FOXP1: variants seen among roughly 807,000 people sequenced by gnomAD.
FOXP1 encodes the protein forkhead box P1.
FOXP1 carries 15 observed loss-of-function variants against 98.2 expected under a neutral mutation model. That is an observed-to-expected ratio of 0.15 (90% confidence interval 0.10 to 0.24). FOXP1 has a LOEUF of 0.24. Ranked by LOEUF, FOXP1 falls within the 10% of genes least tolerant of loss-of-function variation. The probability of loss-of-function intolerance (pLI) is 1.00; values close to 1 mark genes in which losing one functional copy is unlikely to be tolerated. For synonymous variants in FOXP1, 371 were observed against 314.5 expected (o/e 1.18, Z -1.90); for missense variants, 633 against 848.5 (o/e 0.75, Z 3.15).
intron 3 of FOXP1, among the ~76,000 whole-genome samples, chr3:71,386,447 T>C (rs1204867475): frequency 6.6e-6 from 1 of 152,162 alleles, no homozygotes; most frequent in African/African-American, 2.4e-5. Flanking sequence ...TAACTACGCA[T>C]AATAATAGAA....
At chr3:71,357,092 A>G (rs979583024) in intron 4 of FOXP1, among the ~76,000 whole-genome samples, 3 of 152,156 alleles carry the variant, frequency 2.0e-5, no homozygotes, top group African/African-American at 7.2e-5. Context: ...GAGTCTACAT[A>G]AGAACAGAGG....
At chr3:71,036,689 T>C (rs532226811) in intron 11 of FOXP1, among the ~76,000 whole-genome samples, 1 of 152,276 alleles carries the variant, frequency 6.6e-6, no homozygotes, top group South Asian at 2.1e-4. Context: ...AAATCCCCCA[T>C]GAGGTTCATT....
chr3:71,144,884 A>AT (rs1352952613), intron 6 of FOXP1, among the ~76,000 whole-genome samples: 3 of 152,208 alleles, frequency 2.0e-5, no homozygotes, highest in African/African-American at 7.2e-5. Flanking sequence ...TGGAGTCTCT[A>AT]TCACTGTTTT....
At chr3:71,503,685 T>C (rs1235679995) in intron 2 of FOXP1, among the ~76,000 whole-genome samples, 1 of 151,730 alleles carries the variant, frequency 6.6e-6, no homozygotes, top group Admixed American at 6.6e-5. Context: ...GATGTTATTA[T>C]TTCGTCAGGT....
chr3:71,240,689 G>A lies in FOXP1; in HGVS notation c.-11-42297C>T, dbSNP rs185051024. On this transcript the variant is annotated intron_variant, in intron 5 of 20. Coordinates refer to ENST00000649528, the MANE Select transcript of FOXP1 (RefSeq NM_001349338.3). ...CCCGAGTAGCTGGGATTACAGGCGCGTGCCACCATGCCCGGCTAATTTTGT... is the reference window on the plus strand; with the variant it reads ...CCCGAGTAGCTGGGATTACAGGCGCATGCCACCATGCCCGGCTAATTTTGT... 4.0e-5 allele frequency among the ~76,000 whole-genome samples: 6 copies of A among 151,490 alleles called. No homozygotes were observed. In the East Asian group the frequency reaches 6.0e-4, roughly 15 times the overall value.
Position 70,955,746 on chromosome 3 carries a change from T to G in FOXP1, c.*3501A>C, listed in dbSNP as rs1360673374. Reference sequence around the variant, plus strand: ...TTTTTTCTTTTCAAATGTATGAACTTGTTTAAGATAGCCAGGAAGGCAGTG... The same window carrying G: ...TTTTTTCTTTTCAAATGTATGAACTGGTTTAAGATAGCCAGGAAGGCAGTG... On this transcript the variant is annotated 3_prime_UTR_variant, in exon 21 of 21. Transcript: ENST00000649528. The G allele has an allele frequency of 4.3e-6, 1 of 233,432 alleles. No individual in the cohort carries two copies. The highest frequency in any genetic ancestry group is 5.6e-5 in the Admixed American group (1 of 17,758). 14.5% of individuals were successfully genotyped at this position (233,432 alleles called of 1,614,324 possible).
At position 70,979,986 on chromosome 3, in the gene FOXP1, C is replaced by G. The variant is rs17008100; in HGVS notation, c.1147-1957G>C. Among the ~76,000 whole-genome samples, 1,812 of 152,138 alleles carry G rather than the reference C, an allele frequency of 0.012. 169 individuals are homozygous for G. In the East Asian group the frequency reaches 0.25, roughly 21 times the overall value. Reference sequence around the variant, plus strand: ...TTATTTTCAGCGTAGAATGTTGTCTCGGTGAGCAAGAGACAATGCCTGCGA... The same window carrying G: ...TTATTTTCAGCGTAGAATGTTGTCTGGGTGAGCAAGAGACAATGCCTGCGA... On this transcript the variant is annotated intron_variant, in intron 14 of 20. Transcript: ENST00000649528.
chr3:71,249,648 C>T (rs1229373136), intron 5 of FOXP1, among the ~76,000 whole-genome samples: 1 of 152,188 alleles, frequency 6.6e-6, no homozygotes, highest in Non-Finnish European at 1.5e-5. Flanking sequence ...TCAGTACCAG[C>T]CCCTGTTGCT....
chr3:71,202,471 C>A (rs922599180), intron 5 of FOXP1, among the ~76,000 whole-genome samples: 2 of 152,182 alleles, frequency 1.3e-5, no homozygotes, highest in South Asian at 2.1e-4. Flanking sequence ...ATTTAATAAG[C>A]CTTTATATCT....
intron 5 of FOXP1, among the ~76,000 whole-genome samples, chr3:71,292,138 T>G (rs1336717687): frequency 6.6e-6 from 1 of 152,084 alleles, no homozygotes; most frequent in African/African-American, 2.4e-5. Flanking sequence ...GTAATGAATG[T>G]ATTTTAGGAT....
chr3:71,454,054 G>A (rs2087201791), intron 3 of FOXP1, among the ~76,000 whole-genome samples: 1 of 152,026 alleles, frequency 6.6e-6, no homozygotes, highest in Non-Finnish European at 1.5e-5. Flanking sequence ...TACTTTAGCA[G>A]GAAAATCCTG....
intron 11 of FOXP1, among the ~76,000 whole-genome samples, chr3:71,020,509 A>G (rs1203341355): frequency 1.3e-5 from 2 of 152,204 alleles, no homozygotes; most frequent in African/African-American, 4.8e-5. Context: ...GGAATTACTA[A>G]ATCCACCTGC....
chr3:71,025,473 G>A (rs1437922260), intron 11 of FOXP1, among the ~76,000 whole-genome samples: 1 of 152,116 alleles, frequency 6.6e-6, no homozygotes, highest in African/African-American at 2.4e-5. Flanking sequence ...ACAGTCACAA[G>A]GATGCCCTCT....
chr3:71,201,936 T>C (rs886877774), intron 5 of FOXP1, among the ~76,000 whole-genome samples: 1 of 152,190 alleles, frequency 6.6e-6, no homozygotes, highest in African/African-American at 2.4e-5. Flanking sequence ...TTTAGCCAAA[T>C]ATCCTGTCCT....
At chr3:71,156,656 C>G (rs2060838312) in intron 6 of FOXP1, among the ~76,000 whole-genome samples, 1 of 152,192 alleles carries the variant, frequency 6.6e-6, no homozygotes, top group Admixed American at 6.5e-5. Flanking sequence ...AGGATAAGCT[C>G]TTTTCTAATG....
intron 6 of FOXP1, among the ~76,000 whole-genome samples, chr3:71,181,876 T>TA (rs2108284400): frequency 6.6e-6 from 1 of 151,372 alleles, no homozygotes; most frequent in Admixed American, 6.6e-5. Context: ...ACTAAAAAAA[T>TA]ACAAAAAAAT....
chr3:71,410,442 G>T (rs545900122), intron 3 of FOXP1, among the ~76,000 whole-genome samples: 1 of 152,058 alleles, frequency 6.6e-6, no homozygotes, highest in Admixed American at 6.5e-5. Flanking sequence ...AGAAATTATG[G>T]TATGCTTCCA....
intron 6 of FOXP1, among the ~76,000 whole-genome samples, chr3:71,171,534 A>C (rs1262512935): frequency 6.6e-6 from 1 of 152,096 alleles, no homozygotes; most frequent in Non-Finnish European, 1.5e-5. Flanking sequence ...CTTTGAAGTT[A>C]AAGTACTGAA....
At chr3:71,325,452 C>G (rs1324659987) in intron 4 of FOXP1, among the ~76,000 whole-genome samples, 2 of 150,698 alleles carry the variant, frequency 1.3e-5, no homozygotes, top group Non-Finnish European at 1.5e-5. Flanking sequence ...GTCTCATGCC[C>G]TAAAGTATGC....
Sources: allele counts gnomAD v4.1 joint callset (sites outside exome capture counted in the v4.1 genomes callset), GRCh38; gene constraint gnomAD v4.1.1; transcripts MANE v1.5; gene names NCBI Gene and HGNC (gene_info 2026-07-23, HGNC 2026-07-21).